Variants in ZNF385D observed in about 807,000 individuals in gnomAD.
ZNF385D encodes zinc finger protein 385D.
ZNF385D carries 15 observed loss-of-function variants against 35.8 expected under a neutral mutation model. The observed-to-expected ratio is 0.42, with a 90% CI of 0.28 to 0.64. ZNF385D has a LOEUF of 0.64. Among genes scored for constraint, ZNF385D ranks in the 30% least tolerant of loss-of-function variants. The pLI is 0.23. For missense variants in ZNF385D, 474 were observed against 494.6 expected, an observed-to-expected ratio of 0.96 and a Z score of 0.39; for synonymous variants, 212 against 186.8, an observed-to-expected ratio of 1.13 and a Z score of -1.10.
intron 1 of ZNF385D, among the ~76,000 whole-genome samples, chr3:21,705,862 T>A (rs1240418458): frequency 6.6e-6 from 1 of 152,158 alleles, no homozygotes; most frequent in African/African-American, 2.4e-5. Flanking sequence ...TTCCTGACCC[T>A]GCAGTACCCA....
chr3:21,737,741 G>C (rs544436522), intron 1 of ZNF385D, among the ~76,000 whole-genome samples: 11 of 152,280 alleles, frequency 7.2e-5, no homozygotes, highest in Admixed American at 2.0e-4. Context: ...GTCTAAAAGG[G>C]TCTAAAAGGT....
rs1291139287 is a variant in ZNF385D, at chr3:22,045,797, C to A, written c.325+123020G>T. Among the ~76,000 whole-genome samples, 4 of 152,078 alleles carry A rather than the reference C, an allele frequency of 2.6e-5. No homozygotes were observed. The East Asian group carries it at 5.8e-4, about 22-fold the overall frequency. ...GAGCCTGGCGACACTAAGATCATGA[C>A]CTGGCGATTTCTATAAGGCTACCTG... On this transcript the variant is annotated intron_variant, in intron 3 of 5. Transcript: ENST00000494108.
At chr3:21,424,922 C>T (rs1700945360) in intron 6 of ZNF385D, among the ~76,000 whole-genome samples, 1 of 151,984 alleles carries the variant, frequency 6.6e-6, no homozygotes, top group Non-Finnish European at 1.5e-5. Flanking sequence ...GAGGGCTGAA[C>T]GTTTAGCTGG....
chr3:21,422,700 A>G (rs1226423118), intron 7 of ZNF385D, among the ~76,000 whole-genome samples: 1 of 152,234 alleles, frequency 6.6e-6, no homozygotes, highest in Non-Finnish European at 1.5e-5. Flanking sequence ...CAAATCAATA[A>G]TTGTGATTCA....
chr3:22,295,011 C>A (rs79529492), intron 2 of ZNF385D, among the ~76,000 whole-genome samples: 4,002 of 152,118 alleles, frequency 0.026, 72 homozygotes, highest in Non-Finnish European at 0.038. Flanking sequence ...ACATGTTTCA[C>A]TCTAGGATTA....
intron 2 of ZNF385D, among the ~76,000 whole-genome samples, chr3:22,353,244 G>T (rs866522576): frequency 3.3e-5 from 5 of 151,706 alleles, no homozygotes. Flanking sequence ...AGAAAAATGG[G>T]GCCATTCACT....
chr3:22,160,922 C>T (rs1443880768), intron 3 of ZNF385D, among the ~76,000 whole-genome samples: 2 of 152,040 alleles, frequency 1.3e-5, no homozygotes, highest in Admixed American at 6.6e-5. Context: ...AATTAATTTG[C>T]CATAGAAGGT....
intron 3 of ZNF385D, among the ~76,000 whole-genome samples, chr3:21,938,729 TC>T (rs1473049525): frequency 2.6e-5 from 4 of 152,174 alleles, no homozygotes; most frequent in African/African-American, 7.2e-5. Context: ...AAAACTAATG[TC>T]CACCTCAACA....
At chr3:21,673,715 T>A (rs2066643168) in intron 1 of ZNF385D, among the ~76,000 whole-genome samples, 1 of 152,132 alleles carries the variant, frequency 6.6e-6, no homozygotes, top group African/African-American at 2.4e-5. Flanking sequence ...AAGTAAACAC[T>A]AATGAATAAT....
chr3:21,511,151 ACAGTGGGGTTCT>A, intron 3 of ZNF385D, 128 bp from the exon 4 acceptor site: 1 of 1,124,446 alleles, frequency 8.9e-7, no homozygotes, highest in Non-Finnish European at 1.3e-6. Context: ...CCGTGGCCAG[ACAGTGGGGTTCT>A]ATTTAGAATG....
chr3:21,566,857 T>A (rs2125658837), intron 2 of ZNF385D, among the ~76,000 whole-genome samples: 1 of 152,262 alleles, frequency 6.6e-6, no homozygotes, highest in African/African-American at 2.4e-5. Flanking sequence ...TGCCTCCTCC[T>A]CCCAGACCCT....
chr3:22,136,379 C>T lies in ZNF385D; in HGVS notation c.325+32438G>A, dbSNP rs1263955663. On this transcript the variant is annotated intron_variant, in intron 3 of 5. Transcript: ENST00000494108. ...TTTCCGCCTGGGCGACAAAGTGAGACTTTGTCTAAAAAAAAAAAAAGTATC... is the reference window on the plus strand; with the variant it reads ...TTTCCGCCTGGGCGACAAAGTGAGATTTTGTCTAAAAAAAAAAAAAGTATC... Among the ~76,000 whole-genome samples the T allele has an allele frequency of 3.8e-5, 4 of 104,114 alleles. No individual in the cohort carries two copies. In the East Asian group the frequency reaches 1.4e-3, roughly 36 times the overall value. The allele number at this position is 104,114 out of a possible 152,430, so 68.3% of individuals were successfully genotyped here. A position where few individuals can be genotyped will look rare whatever the true frequency, so the allele number is the denominator to read the frequency against.
At chr3:22,073,464 T>A (rs2125567064) in intron 3 of ZNF385D, among the ~76,000 whole-genome samples, 1 of 152,032 alleles carries the variant, frequency 6.6e-6, no homozygotes, top group African/African-American at 2.4e-5. Context: ...TCCAGAAATT[T>A]AATCTTTCCT....
At chr3:21,766,650 G>C (rs1489469809) in intron 3 of ZNF385D, among the ~76,000 whole-genome samples, 1 of 152,154 alleles carries the variant, frequency 6.6e-6, no homozygotes, top group Non-Finnish European at 1.5e-5. Flanking sequence ...TATGGAAGCA[G>C]TTATGGCATG....
chr3:21,572,263 A>G (rs905021186), intron 2 of ZNF385D, among the ~76,000 whole-genome samples: 1 of 152,222 alleles, frequency 6.6e-6, no homozygotes, highest in Non-Finnish European at 1.5e-5. Flanking sequence ...TTATAATACA[A>G]TACTTGTACA....
chr3:22,344,565 TTTTC>T (rs950529418), intron 2 of ZNF385D, among the ~76,000 whole-genome samples: 48 of 149,312 alleles, frequency 3.2e-4, no homozygotes, highest in Admixed American at 1.3e-3. Flanking sequence ...CATTTTGGGG[TTTTC>T]TTTGTTTTTT....
At chr3:22,316,133 G>C (rs1703873075) in intron 2 of ZNF385D, among the ~76,000 whole-genome samples, 2 of 152,114 alleles carry the variant, frequency 1.3e-5, no homozygotes, top group South Asian at 2.1e-4. Context: ...CCCTCACCCG[G>C]AAGTGGACTA....
intron 2 of ZNF385D, among the ~76,000 whole-genome samples, chr3:22,281,274 T>G (rs1023458805): frequency 1.3e-5 from 2 of 152,116 alleles, no homozygotes; most frequent in African/African-American, 4.8e-5. Context: ...AGTACTATGT[T>G]GAATAGAAGT....
chr3:22,254,344 C>T (rs577748353), intron 2 of ZNF385D, among the ~76,000 whole-genome samples: 8 of 151,564 alleles, frequency 5.3e-5, no homozygotes, highest in Non-Finnish European at 8.9e-5. Flanking sequence ...TTTATTTTTC[C>T]GTGCAAGCAG....
Sources: allele counts gnomAD v4.1 joint callset (sites outside exome capture counted in the v4.1 genomes callset), GRCh38; gene constraint gnomAD v4.1.1; transcripts MANE v1.5; gene names NCBI Gene and HGNC (gene_info 2026-07-23, HGNC 2026-07-21).